Variants in KIAA0319 observed in about 807,000 individuals in gnomAD.
The protein encoded by KIAA0319 is KIAA0319.
KIAA0319 carries 83 observed loss-of-function variants against 108.4 expected under a neutral mutation model. The observed-to-expected ratio is 0.77, with a 90% CI of 0.64 to 0.92. The LOEUF is 0.92. KIAA0319 is among the 40% of genes least tolerant of loss of function. KIAA0319 has a pLI of 0.00. For synonymous variants in KIAA0319, 484 were observed against 510.4 expected, an observed-to-expected ratio of 0.95 and a Z score of 0.70; for missense variants, 1,195 against 1,322.4, an observed-to-expected ratio of 0.90 and a Z score of 1.49.
chr6:24,607,752 T>A (rs1771635497), intron 1 of KIAA0319, among the ~76,000 whole-genome samples: 1 of 152,228 alleles, frequency 6.6e-6, no homozygotes, highest in Non-Finnish European at 1.5e-5. Context: ...GTTTTACTTA[T>A]TTCTCATCTA....
At position 24,582,354 on chromosome 6, in the gene KIAA0319, C is replaced by CA. The variant is rs1766703803; in HGVS notation, c.1094-9dup. The CA allele has an allele frequency of 1.8e-5, 28 of 1,540,536 alleles. No homozygotes were observed. Among genetic ancestry groups the CA allele is most frequent in the Non-Finnish European group, 2.5e-5 (28 of 1,114,358 alleles). ...CATAGTTGTAGGTTGTTTCTGAGAG[C>CA]AAAAAATAAATATGAGTAGTTATAA... On this transcript the variant is annotated splice_polypyrimidine_tract_variant and intron_variant, in intron 5 of 20. Transcript: ENST00000378214.
At chr6:24,612,674 C>T (rs6915373) in intron 1 of KIAA0319, among the ~76,000 whole-genome samples, 18,012 of 152,046 alleles carry the variant, frequency 0.12, 2,178 homozygotes, top group East Asian at 0.48. Context: ...TGTGGGAAAG[C>T]GAATGGGGTG....
chr6:24,543,950 C>G (rs571387695), downstream of KIAA0319, among the ~76,000 whole-genome samples: 42 of 152,188 alleles, frequency 2.8e-4, no homozygotes, highest in Non-Finnish European at 5.4e-4. Flanking sequence ...AGGGAAGGAG[C>G]AGGGGATGTT....
chr6:24,564,146 C>A, intron 15 of KIAA0319, 56 bp downstream of exon 15: 20 of 1,609,350 alleles, frequency 1.2e-5, no homozygotes, highest in Non-Finnish European at 1.7e-5. Context: ...GCGTAAAGAC[C>A]CCAAAGGCTG....
chr6:24,624,280 G>A (rs1043527591), intron 1 of KIAA0319, among the ~76,000 whole-genome samples: 15 of 140,900 alleles, frequency 1.1e-4, no homozygotes, highest in Non-Finnish European at 2.3e-4. Flanking sequence ...GGGCCCAAAT[G>A]ACCATCTACC....
At chr6:24,637,416 A>G (rs1228999394) in intron 1 of KIAA0319, among the ~76,000 whole-genome samples, 1 of 152,200 alleles carries the variant, frequency 6.6e-6, no homozygotes, top group Non-Finnish European at 1.5e-5. Flanking sequence ...TCCACCTTAC[A>G]GTCCTGATGT....
rs149222699 is a variant in KIAA0319 at position 24,641,021 on chromosome 6, T to C, written c.-106+4715A>G. Among the ~76,000 whole-genome samples, 17 of 152,318 alleles carry C rather than the reference T, an allele frequency of 1.1e-4. No individual in the cohort carries two copies. In the East Asian group the frequency reaches 3.1e-3, roughly 28 times the overall value. Reference sequence around the variant, plus strand: ...ATCACTATCTATCTCCACAACTTTTTCATCATCTCAAACTGAAACTTTGTA... The same window carrying C: ...ATCACTATCTATCTCCACAACTTTTCCATCATCTCAAACTGAAACTTTGTA... On this transcript the variant is annotated intron_variant, in intron 1 of 20. Transcript: ENST00000378214.
intron 1 of KIAA0319, among the ~76,000 whole-genome samples, chr6:24,636,379 C>T (rs940238399): frequency 1.3e-5 from 2 of 152,156 alleles, no homozygotes; most frequent in African/African-American, 4.8e-5. Flanking sequence ...ATGGAAAATG[C>T]AAATTATGAA....
intron 1 of KIAA0319, among the ~76,000 whole-genome samples, chr6:24,612,309 A>G (rs1772449024): frequency 6.6e-6 from 1 of 151,868 alleles, no homozygotes; most frequent in Non-Finnish European, 1.5e-5. Context: ...AGAATTAGCC[A>G]AGCATAGTGG....
Position 24,544,939 on chromosome 6 carries a change from T to C in KIAA0319, c.*2226A>G, listed in dbSNP as rs1374866125. 6.6e-6 allele frequency: 1 copy of C among 152,210 alleles called. No individual in the cohort carries two copies. The highest frequency in any genetic ancestry group is 1.5e-5 in the Non-Finnish European group (1 of 68,082). 9.4% of individuals were successfully genotyped at this position (152,210 alleles called of 1,614,324 possible). ...AAGGATCAGAGAGGCCAGGCTGAGATGGCCAAGGACAGAAAAGGAGGAGGG... is the reference window on the plus strand; with the variant it reads ...AAGGATCAGAGAGGCCAGGCTGAGACGGCCAAGGACAGAAAAGGAGGAGGG... On this transcript the variant is annotated 3_prime_UTR_variant, in exon 21 of 21. Transcript: ENST00000378214.
At chr6:24,560,454 TG>T (rs1326318979) in intron 16 of KIAA0319, among the ~76,000 whole-genome samples, 2 of 152,226 alleles carry the variant, frequency 1.3e-5, no homozygotes, top group Non-Finnish European at 2.9e-5. Flanking sequence ...TGGTGGCTAA[TG>T]GTGAGCACCT....
At position 24,546,302 on chromosome 6, in the gene KIAA0319, C is replaced by G. The variant is rs139698390; in HGVS notation, c.*863G>C. 6.6e-6 allele frequency: 1 copy of G among 152,048 alleles called. No individual in the cohort carries two copies. Among genetic ancestry groups the G allele is most frequent in the Non-Finnish European group, 1.5e-5 (1 of 68,042 alleles). 9.4% of individuals were successfully genotyped at this position (152,048 alleles called of 1,614,324 possible). Reference sequence around the variant, plus strand: ...TTATCCCTATCTATGGCAGTCCAAACGCACAGCCTACAGAACATAATAAAT... The same window carrying G: ...TTATCCCTATCTATGGCAGTCCAAAGGCACAGCCTACAGAACATAATAAAT... On this transcript the variant is annotated 3_prime_UTR_variant, in exon 21 of 21. Coordinates refer to ENST00000378214, the MANE Select transcript of KIAA0319 (RefSeq NM_014809.4).
In KIAA0319 at chr6:24,599,346, G is replaced by C. The variant is rs17307430; in HGVS notation, c.55+1703C>G. On this transcript the variant is annotated intron_variant, in intron 2 of 20. Coordinates refer to ENST00000378214, the MANE Select transcript of KIAA0319 (RefSeq NM_014809.4). The surrounding 1 kb of genome is among the most constrained non-coding windows in gnomAD (Gnocchi z 4.1). ...CCTCAAAGGCTAGAGGGCTTCCCTA[G>C]AGGCCACCATTGTGGATGCGGAGAA... The C allele has an allele frequency of 0.037, 19,396 of 519,288 alleles. 492 individuals carry two copies. Among genetic ancestry groups the C allele is most frequent in the Middle Eastern group, 0.082 (143 of 1,738 alleles). The allele number at this position is 519,288 out of a possible 1,614,324, so 32.2% of individuals were successfully genotyped here.
chr6:24,639,570 C>G, intron 1 of KIAA0319, among the ~76,000 whole-genome samples: 1 of 152,142 alleles, frequency 6.6e-6, no homozygotes, highest in East Asian at 1.9e-4. Context: ...GAAAAGCTGG[C>G]TGGACGCGGT....
intron 20 of KIAA0319, among the ~76,000 whole-genome samples, chr6:24,547,894 A>G (rs1760852421): frequency 6.6e-6 from 1 of 152,198 alleles, no homozygotes; most frequent in Non-Finnish European, 1.5e-5. Context: ...TTGGCTGGGC[A>G]TGGTGGCTCA....
chr6:24,596,541 T>C lies in KIAA0319; in HGVS notation c.133A>G (p.Ile45Val). The C allele has an allele frequency of 6.2e-7, 1 of 1,613,964 alleles. No homozygotes were observed. The highest frequency in any genetic ancestry group is 1.1e-5 in the South Asian group (1 of 91,084). Residue 45 changes from isoleucine to valine, a missense_variant, in exon 3 of 21, where the codon ATC (isoleucine) becomes GTC (valine). Ile to Val is a conservative substitution (Grantham distance 29, BLOSUM62 3). Transcript: ENST00000378214. ...GGGAAGGTGTGAGACACCCGCATGA[T>C]TCTGGTGGTTTCCAAGTTAGGTGAA... Reference protein sequence around the residue: ...VISPNLETTRIMRVSHTFPVV... With the variant: ...VISPNLETTRVMRVSHTFPVV...
At chr6:24,580,387 G>C (rs895880133) in intron 7 of KIAA0319, among the ~76,000 whole-genome samples, 1 of 145,868 alleles carries the variant, frequency 6.9e-6, no homozygotes, top group East Asian at 2.1e-4. Context: ...GTGGGTACAA[G>C]GGAGGTTCAC....
At chr6:24,631,076 A>G (rs1001507758) in intron 1 of KIAA0319, among the ~76,000 whole-genome samples, 12 of 152,250 alleles carry the variant, frequency 7.9e-5, no homozygotes, top group African/African-American at 2.9e-4. Context: ...TTACTGAGTG[A>G]GGAAACTAAG....
rs1046293776 is a variant in KIAA0319 at position 24,601,128 on chromosome 6, C to T, written c.-25G>A. The T allele has an allele frequency of 1.2e-6, 2 of 1,613,458 alleles. No homozygotes were observed. The highest frequency in any genetic ancestry group is 8.5e-7 in the Non-Finnish European group (1 of 1,179,712). Reference sequence around the variant, plus strand: ...TTGTGCACCACACAGTGGGTGATGGCAGGCTTCTGAGGCGGCCCTGAAGAG... The same window carrying T: ...TTGTGCACCACACAGTGGGTGATGGTAGGCTTCTGAGGCGGCCCTGAAGAG... On this transcript the variant is annotated 5_prime_UTR_variant, in exon 2 of 21. Transcript: ENST00000378214.
Sources: allele counts gnomAD v4.1 joint callset (sites outside exome capture counted in the v4.1 genomes callset), GRCh38; gene constraint gnomAD v4.1.1; non-coding constraint Gnocchi (gnomAD v3.1); transcripts MANE v1.5; gene names NCBI Gene and HGNC (gene_info 2026-07-23, HGNC 2026-07-21).